Variants in DOCK2 observed in about 807,000 individuals in gnomAD.
DOCK2 encodes dedicator of cytokinesis 2, also known as dedicator of cytokinesis protein 2.
DOCK2 carries 87 observed loss-of-function variants against 248.9 expected under a neutral mutation model. The observed-to-expected ratio is 0.35, with a 90% CI of 0.29 to 0.42. DOCK2 has a LOEUF of 0.42. Ranked by LOEUF, DOCK2 falls within the 10% of genes least tolerant of loss-of-function variation. DOCK2 has a pLI of 1.00. For synonymous variants in DOCK2, 805 were observed against 821.6 expected, an observed-to-expected ratio of 0.98 and a Z score of 0.35; for missense variants, 1,747 against 2,300.2, an observed-to-expected ratio of 0.76 and a Z score of 4.92.
At chr5:169,867,443 A>G (rs375738663) in intron 27 of DOCK2, among the ~76,000 whole-genome samples, 8 of 145,372 alleles carry the variant, frequency 5.5e-5, no homozygotes, top group Non-Finnish European at 1.1e-4. Context: ...CTGTCTATCT[A>G]TCTATCTGTC....
At chr5:169,975,094 G>T (rs1191789472) in intron 27 of DOCK2, among the ~76,000 whole-genome samples, 2 of 152,136 alleles carry the variant, frequency 1.3e-5, no homozygotes, top group Non-Finnish European at 2.9e-5. Context: ...TAAAACTAAA[G>T]TCCATGCCCA....
At chr5:169,850,296 G>A (rs995086285) in intron 27 of DOCK2, among the ~76,000 whole-genome samples, 21 of 152,288 alleles carry the variant, frequency 1.4e-4, no homozygotes, top group African/African-American at 5.1e-4. Flanking sequence ...AGCATTGCAA[G>A]CCTGGGAAGG....
intron 23 of DOCK2, among the ~76,000 whole-genome samples, chr5:169,757,081 G>A (rs981720274): frequency 3.9e-5 from 6 of 152,166 alleles, no homozygotes; most frequent in South Asian, 2.1e-4. Flanking sequence ...AAATCAAAGC[G>A]TTAAATCAAA....
chr5:169,711,214 CCTT>C (rs1477937191), intron 15 of DOCK2, among the ~76,000 whole-genome samples: 6 of 152,192 alleles, frequency 3.9e-5, no homozygotes, highest in Non-Finnish European at 5.9e-5. Context: ...AAATCAGTGT[CCTT>C]CTCTCAGGTA....
At chr5:169,878,639 G>T (rs1433938668) in intron 27 of DOCK2, among the ~76,000 whole-genome samples, 1 of 152,184 alleles carries the variant, frequency 6.6e-6, no homozygotes, top group Non-Finnish European at 1.5e-5. Context: ...TGGAAGGATT[G>T]AAATAAATTT....
chr5:169,958,452 T>G (rs545440380), intron 27 of DOCK2, among the ~76,000 whole-genome samples: 39 of 152,248 alleles, frequency 2.6e-4, no homozygotes, highest in Non-Finnish European at 5.0e-4. Flanking sequence ...ATGTTCTGCT[T>G]GAAAAGCTGG....
At chr5:169,828,147 C>T (rs1160746904) in intron 26 of DOCK2, among the ~76,000 whole-genome samples, 2 of 152,134 alleles carry the variant, frequency 1.3e-5, no homozygotes, top group African/African-American at 4.8e-5. Flanking sequence ...TAACTGCATG[C>T]GTAGATCAGA....
chr5:169,766,747 T>C (rs1378294280), intron 25 of DOCK2, among the ~76,000 whole-genome samples: 1 of 152,136 alleles, frequency 6.6e-6, no homozygotes, highest in East Asian at 1.9e-4. Context: ...CTCACCAGAA[T>C]CTGTTAATTT....
chr5:169,996,104 C>A lies in DOCK2; in HGVS notation c.3012C>A (p.Ile1004=), dbSNP rs750854490. 2.2e-5 allele frequency: 36 copies of A among 1,613,914 alleles called. No individual in the cohort carries two copies. The highest frequency in any genetic ancestry group is 2.7e-5 in the Non-Finnish European group (32 of 1,179,922). ...CTTCCAGGGTCTTCCTGAGAGCTAT[C>A]AACAAGTTTGCAGAAACCATGAACC... The part of the protein sequence containing the change: ...MVQNRVFLRA[I]NKFAETMNQK... The change falls in exon 30 of 52, where the codon ATC becomes ATA. Residue 1004 remains isoleucine (I), a synonymous_variant. Transcript: ENST00000520908.
At chr5:169,850,405 G>A (rs1413828306) in intron 27 of DOCK2, among the ~76,000 whole-genome samples, 2 of 152,110 alleles carry the variant, frequency 1.3e-5, no homozygotes, top group African/African-American at 4.8e-5. Flanking sequence ...TTTTCCTGAG[G>A]TAAAATTAAT....
intron 26 of DOCK2, among the ~76,000 whole-genome samples, chr5:169,812,964 G>C (rs1411530136): frequency 6.6e-6 from 1 of 152,262 alleles, no homozygotes; most frequent in Non-Finnish European, 1.5e-5. Context: ...GCCGGGAAGC[G>C]GCAGATGCTG....
rs571938290 is a variant in DOCK2, at chr5:169,751,360, A to G, written c.2376+3856A>G. On this transcript the variant is annotated intron_variant, in intron 23 of 51. Coordinates refer to ENST00000520908, the MANE Select transcript of DOCK2 (RefSeq NM_004946.3). ...AAGAAGTGACTGTATGAAAACATGC[A>G]TGGGAAAGTTTCAGCTAGTGAAATA... Among the ~76,000 whole-genome samples, 15 of 152,252 alleles carry G rather than the reference A, an allele frequency of 9.9e-5. No individual in the cohort carries two copies. In the South Asian group the frequency reaches 3.1e-3, roughly 32 times the overall value.
intron 25 of DOCK2, among the ~76,000 whole-genome samples, chr5:169,776,424 C>T (rs112835988): frequency 1.3e-5 from 2 of 151,988 alleles, no homozygotes; most frequent in African/African-American, 4.8e-5. Context: ...TTCAGCCTCC[C>T]AAAGTGCTGG....
chr5:170,079,056 G>A lies in DOCK2; in HGVS notation c.5076G>A (p.Glu1692=). 1.2e-6 allele frequency: 2 copies of A among 1,614,170 alleles called. No homozygotes were observed. The highest frequency in any genetic ancestry group is 1.7e-6 in the Non-Finnish European group (2 of 1,180,024). ...EPISPGSTLP[E]VKLRRSKKRT... ...TCTCCCCGGGGAGCACCCTGCCTGA[G>A]GTCAAGCTGCGGAGGTCCAAGAAGA... is the stretch of plus-strand genomic sequence containing the variant. The change falls in exon 49 of 52, where the codon GAG becomes GAA. Residue 1692 remains glutamate (E), a synonymous_variant. Coordinates refer to ENST00000520908, the MANE Select transcript of DOCK2 (RefSeq NM_004946.3).
At chr5:170,011,488 C>CAA (rs11382563) in intron 32 of DOCK2, among the ~76,000 whole-genome samples, 25,212 of 151,640 alleles carry the variant, frequency 0.17, 2,188 homozygotes, top group East Asian at 0.26. Context: ...GGGTTGGTTG[C>CAA]AAAAAAAAGG....
chr5:169,676,389 G>A (rs187684243), intron 6 of DOCK2, among the ~76,000 whole-genome samples: 129 of 152,286 alleles, frequency 8.5e-4, no homozygotes, highest in African/African-American at 3.0e-3. Flanking sequence ...AAAGAAGAAA[G>A]AGGGTCCTCC....
At chr5:169,666,982 G>T (rs1758771571) in intron 2 of DOCK2, among the ~76,000 whole-genome samples, 1 of 152,208 alleles carries the variant, frequency 6.6e-6, no homozygotes, top group South Asian at 2.1e-4. Flanking sequence ...GTCGTCAGGA[G>T]TGAGGTGCAA....
At position 169,705,363 on chromosome 5, in the gene DOCK2, C is replaced by A. The variant is rs1761206889; in HGVS notation, c.1384-2806C>A. On this transcript the variant is annotated intron_variant, in intron 14 of 51. Coordinates refer to ENST00000520908, the MANE Select transcript of DOCK2 (RefSeq NM_004946.3). ...AAGGCTTAGATGCTGGGCCAAGAAACCTCTGTTTTTCTGAGACCACCCAAC... is the reference window on the plus strand; with the variant it reads ...AAGGCTTAGATGCTGGGCCAAGAAAACTCTGTTTTTCTGAGACCACCCAAC... Among the ~76,000 whole-genome samples, 3 of 152,094 alleles carry A rather than the reference C, an allele frequency of 2.0e-5. No individual in the cohort carries two copies. In the South Asian group the frequency reaches 6.2e-4, roughly 32 times the overall value.
In DOCK2 at chr5:169,713,587, T is replaced by C; in HGVS notation, c.1660-441T>C. 1.3e-5 allele frequency among the ~76,000 whole-genome samples: 2 copies of C among 152,144 alleles called. 1 individual carries two copies. The highest frequency in any genetic ancestry group is 2.9e-5 in the Non-Finnish European group (2 of 68,028). On this transcript the variant is annotated intron_variant, in intron 17 of 51. Transcript: ENST00000520908. ...AGACACAAAGAGGCAAAATAGTGTATTCAAGATAGCATAGACCTGTGAATG... is the reference window on the plus strand; with the variant it reads ...AGACACAAAGAGGCAAAATAGTGTACTCAAGATAGCATAGACCTGTGAATG...
Sources: allele counts gnomAD v4.1 joint callset (sites outside exome capture counted in the v4.1 genomes callset), GRCh38; gene constraint gnomAD v4.1.1; transcripts MANE v1.5; gene names NCBI Gene and HGNC (gene_info 2026-07-23, HGNC 2026-07-21).